NCAM2: variants seen among roughly 807,000 people sequenced by gnomAD.
The protein encoded by NCAM2 is N-CAM-2.
Under a neutral mutation model 98.1 loss-of-function variants are expected in NCAM2, and 30 were observed. The observed-to-expected ratio is 0.31, with a 90% confidence interval of 0.23 to 0.41. NCAM2 has a LOEUF of 0.41. NCAM2 is among the 10% of genes least tolerant of loss of function. The probability of loss-of-function intolerance (pLI) is 1.00; values close to 1 mark genes in which losing one functional copy is unlikely to be tolerated. For missense variants in NCAM2, 867 were observed against 1,005.8 expected, an observed-to-expected ratio of 0.86 and a Z score of 1.87; for synonymous variants, 368 against 342.4, an observed-to-expected ratio of 1.07 and a Z score of -0.83.
chr21:21,169,085 T>A (rs893866991), intron 1 of NCAM2, among the ~76,000 whole-genome samples: 8 of 152,076 alleles, frequency 5.3e-5, no homozygotes, highest in African/African-American at 1.7e-4. Context: ...GAGAAGAGGA[T>A]ACACAAATAG....
intron 1 of NCAM2, among the ~76,000 whole-genome samples, chr21:21,199,141 C>T (rs2147009548): frequency 6.6e-6 from 1 of 152,292 alleles, no homozygotes; most frequent in Admixed American, 6.5e-5. Flanking sequence ...TGGAAAGAGT[C>T]AGTCCTCCTC....
At chr21:21,510,956 C>G (rs900550766) in intron 16 of NCAM2, among the ~76,000 whole-genome samples, 9 of 151,966 alleles carry the variant, frequency 5.9e-5, no homozygotes, top group African/African-American at 2.2e-4. Flanking sequence ...ATCCTGACTT[C>G]ATAGCACCAT....
At chr21:21,186,118 A>G (rs1006675032) in intron 1 of NCAM2, among the ~76,000 whole-genome samples, 6 of 152,178 alleles carry the variant, frequency 3.9e-5, no homozygotes, top group Admixed American at 2.6e-4. Flanking sequence ...TTAGAGGAGC[A>G]TTATGACATA....
intron 1 of NCAM2, among the ~76,000 whole-genome samples, chr21:21,016,063 G>T (rs1197489992): frequency 6.6e-6 from 1 of 152,080 alleles, no homozygotes; most frequent in Non-Finnish European, 1.5e-5. Flanking sequence ...ACCCTGTGTT[G>T]TCTAGCCAAC....
At chr21:21,146,660 A>C (rs1383017682) in intron 1 of NCAM2, among the ~76,000 whole-genome samples, 1 of 151,644 alleles carries the variant, frequency 6.6e-6, no homozygotes, top group East Asian at 1.9e-4. Flanking sequence ...TTTAAAAAAA[A>C]CTTAAATTCA....
At position 21,432,112 on chromosome 21, in the gene NCAM2, G is replaced by T. The variant is rs1376821733; in HGVS notation, c.1485G>T (p.Val495=). ...TTTATATTTCTTTGTCCATAGACGT[G>T]CCATCCAGTCCCTATGGAGTGAAGA... ...FQEYILALAD[V]PSSPYGVKII... The change falls in exon 12 of 18, where the codon GTG becomes GTT. Residue 495 remains valine (V), a synonymous_variant. Coordinates refer to ENST00000400546, the MANE Select transcript of NCAM2 (RefSeq NM_004540.5). 1.2e-6 allele frequency: 2 copies of T among 1,612,880 alleles called. No individual in the cohort carries two copies. Among genetic ancestry groups the T allele is most frequent in the Non-Finnish European group, 1.7e-6 (2 of 1,179,350 alleles).
At chr21:21,451,099 T>A (rs1980994737) in intron 12 of NCAM2, among the ~76,000 whole-genome samples, 1 of 152,124 alleles carries the variant, frequency 6.6e-6, no homozygotes, top group Non-Finnish European at 1.5e-5. Context: ...AGCTGCTCAC[T>A]TGTTAAGCAG....
intron 12 of NCAM2, among the ~76,000 whole-genome samples, chr21:21,450,184 A>G (rs1980809753): frequency 6.6e-6 from 1 of 152,070 alleles, no homozygotes; most frequent in South Asian, 2.1e-4. Flanking sequence ...ATAAATTACA[A>G]TTTAAATAAT....
chr21:21,498,405 T>C (rs976591904), intron 15 of NCAM2, among the ~76,000 whole-genome samples: 1 of 152,208 alleles, frequency 6.6e-6, no homozygotes, highest in African/African-American at 2.4e-5. Context: ...TTACTAGCAT[T>C]ACATACTTTT....
intron 1 of NCAM2, among the ~76,000 whole-genome samples, chr21:21,117,024 A>G (rs1227107537): frequency 2.0e-5 from 3 of 152,194 alleles, no homozygotes; most frequent in African/African-American, 7.2e-5. Flanking sequence ...TATTTGAAGA[A>G]AAAGGATTAT....
chr21:21,441,699 AT>A (rs1979297464), intron 12 of NCAM2, among the ~76,000 whole-genome samples: 1 of 152,124 alleles, frequency 6.6e-6, no homozygotes, highest in Admixed American at 6.6e-5. Context: ...TGGCAAAGTG[AT>A]TTTTCAGCAG....
At chr21:21,085,361 CCTTT>C (rs1278929171) in intron 1 of NCAM2, among the ~76,000 whole-genome samples, 1 of 152,094 alleles carries the variant, frequency 6.6e-6, no homozygotes, top group Non-Finnish European at 1.5e-5. Context: ...CCCTCCCTGC[CCTTT>C]CTGTCATGGA....
At chr21:21,459,895 C>T (rs1348452468) in intron 12 of NCAM2, among the ~76,000 whole-genome samples, 1 of 151,584 alleles carries the variant, frequency 6.6e-6, no homozygotes, top group Non-Finnish European at 1.5e-5. Flanking sequence ...CTATAGTTAA[C>T]AATGCATATT....
chr21:21,057,002 T>C (rs2065225634), intron 1 of NCAM2, among the ~76,000 whole-genome samples: 1 of 152,000 alleles, frequency 6.6e-6, no homozygotes, highest in African/African-American at 2.4e-5. Flanking sequence ...TTATAAAAAA[T>C]CCTACTCGTC....
At chr21:21,166,251 A>G (rs1262986381) in intron 1 of NCAM2, among the ~76,000 whole-genome samples, 2 of 152,206 alleles carry the variant, frequency 1.3e-5, no homozygotes, top group East Asian at 1.9e-4. Flanking sequence ...TCTGTCGCCC[A>G]GGCTGGAGTG....
chr21:21,395,870 G>A (rs977529467), intron 9 of NCAM2, among the ~76,000 whole-genome samples: 1 of 152,122 alleles, frequency 6.6e-6, no homozygotes, highest in Non-Finnish European at 1.5e-5. Flanking sequence ...ACTCAAGATA[G>A]ATCAAAGACT....
At position 21,343,878 on chromosome 21, in the gene NCAM2, A is replaced by G. The variant is rs114794845; in HGVS notation, c.1044+5344A>G. On this transcript the variant is annotated intron_variant, in intron 8 of 17. Coordinates refer to ENST00000400546, the MANE Select transcript of NCAM2 (RefSeq NM_004540.5). Reference sequence around the variant, plus strand: ...GGCCAAGAGACAGTGGACTGGTGTCAGGTGGGGAGGAATGTGACATACAGA... The same window carrying G: ...GGCCAAGAGACAGTGGACTGGTGTCGGGTGGGGAGGAATGTGACATACAGA... 8.4e-3 allele frequency among the ~76,000 whole-genome samples: 1,276 copies of G among 152,276 alleles called. 18 individuals are homozygous for G. The highest frequency in any genetic ancestry group is 0.029 in the African/African-American group (1,219 of 41,570).
At chr21:21,220,923 T>A (rs559207327) in intron 1 of NCAM2, among the ~76,000 whole-genome samples, 5 of 152,346 alleles carry the variant, frequency 3.3e-5, no homozygotes, top group African/African-American at 1.2e-4. Flanking sequence ...TTTCATATTT[T>A]ACAAATTGAA....
intron 5 of NCAM2, among the ~76,000 whole-genome samples, chr21:21,301,774 A>C (rs1474644425): frequency 6.6e-6 from 1 of 151,742 alleles, no homozygotes; most frequent in African/African-American, 2.4e-5. Flanking sequence ...AGAAAAAAAC[A>C]AACAACCCCA....
Sources: gnomAD v4.1 joint callset for allele counts (sites outside exome capture counted in the v4.1 genomes callset) on GRCh38, gnomAD v4.1.1 for gene constraint, MANE v1.5 for transcripts, NCBI Gene and HGNC (gene_info 2026-07-23, HGNC 2026-07-21) for gene names.